Variants in CPA6 observed in about 807,000 individuals in gnomAD.
The protein encoded by CPA6 is carboxypeptidase A6.
Under a neutral mutation model 63.3 loss-of-function variants are expected in CPA6, and 58 were observed. The observed-to-expected ratio is 0.92, with a 90% CI of 0.74 to 1.14. The LOEUF (loss-of-function observed/expected upper bound fraction) is 1.14. Among genes scored for constraint, CPA6 ranks in the 50% most tolerant of loss-of-function variants. CPA6 has a pLI of 0.00. For missense variants in CPA6, 565 were observed against 526.6 expected, an observed-to-expected ratio of 1.07 and a Z score of -0.71; for synonymous variants, 185 against 179.0, an observed-to-expected ratio of 1.03 and a Z score of -0.27.
chr8:67,482,365 AG>A (rs1425132412), intron 8 of CPA6, among the ~76,000 whole-genome samples: 4 of 152,266 alleles, frequency 2.6e-5, no homozygotes, highest in African/African-American at 9.6e-5. Context: ...GAAAGTGAAA[AG>A]TTTTTTTTAA....
chr8:67,582,398 A>G (rs1008184319), intron 2 of CPA6, among the ~76,000 whole-genome samples: 2 of 152,202 alleles, frequency 1.3e-5, no homozygotes, highest in African/African-American at 4.8e-5. Flanking sequence ...TAGAAATGCA[A>G]ATAATCCATA....
At chr8:67,493,780 C>A (rs1049599635) in intron 6 of CPA6, among the ~76,000 whole-genome samples, 1 of 142,448 alleles carries the variant, frequency 7.0e-6, no homozygotes, top group South Asian at 2.1e-4. Flanking sequence ...CTTTTCTTTT[C>A]TTTCTTTCTT....
chr8:67,582,663 A>C (rs1467954544), intron 2 of CPA6, among the ~76,000 whole-genome samples: 1 of 152,164 alleles, frequency 6.6e-6, no homozygotes, highest in Non-Finnish European at 1.5e-5. Flanking sequence ...ATGAATGACT[A>C]ATAATTTTTG....
intron 1 of CPA6, among the ~76,000 whole-genome samples, chr8:67,724,484 C>G (rs776027707): frequency 6.6e-6 from 1 of 152,212 alleles, no homozygotes; most frequent in African/African-American, 2.4e-5. Context: ...CACTGAGCAC[C>G]ACTTCACCAA....
intron 1 of CPA6, among the ~76,000 whole-genome samples, chr8:67,690,436 T>A (rs182283646): frequency 5.3e-5 from 8 of 152,346 alleles, no homozygotes; most frequent in Non-Finnish European, 1.2e-4. Flanking sequence ...GTTGAGAAAT[T>A]TGGTTCTAGC....
chr8:67,654,205 T>C lies in CPA6; in HGVS notation c.117-29954A>G, dbSNP rs938990921. Among the ~76,000 whole-genome samples the C allele has an allele frequency of 7.2e-5, 11 of 152,306 alleles. 1 individual carries two copies. The highest frequency in any genetic ancestry group is 1.3e-4 in the Non-Finnish European group (9 of 68,024). On this transcript the variant is annotated intron_variant, in intron 1 of 10. Coordinates refer to ENST00000297770, the MANE Select transcript of CPA6 (RefSeq NM_020361.5). ...CAAGGATATTGGTCTAAAATTCTCT[T>C]TTTTGGTTGTGTCTCTGCCAGGCTT...
At chr8:67,644,332 A>G (rs1220043813) in intron 1 of CPA6, among the ~76,000 whole-genome samples, 1 of 152,062 alleles carries the variant, frequency 6.6e-6, no homozygotes, top group African/African-American at 2.4e-5. Flanking sequence ...GTTAGCCAGG[A>G]TGGTCTCGAT....
chr8:67,443,362 T>G (rs772575251), intron 8 of CPA6, among the ~76,000 whole-genome samples: 4 of 152,050 alleles, frequency 2.6e-5, no homozygotes, highest in Non-Finnish European at 4.4e-5. Context: ...TCCCGGGCCC[T>G]GTCCTGCCTA....
chr8:67,639,573 C>T (rs1815543879), intron 1 of CPA6, among the ~76,000 whole-genome samples: 1 of 151,490 alleles, frequency 6.6e-6, no homozygotes, highest in Non-Finnish European at 1.5e-5. Flanking sequence ...TGGTGTGGTG[C>T]CCGGAAGCTT....
chr8:67,732,782 C>T (rs545919894), intron 1 of CPA6: 13 of 151,664 alleles, frequency 8.6e-5, no homozygotes, highest in African/African-American at 3.2e-4. Context: ...CAGTGATAAG[C>T]AAACGGAAAT....
intron 6 of CPA6, among the ~76,000 whole-genome samples, chr8:67,497,471 T>A (rs1312982395): frequency 6.6e-6 from 1 of 152,196 alleles, no homozygotes; most frequent in South Asian, 2.1e-4. Context: ...GTTGTATGGT[T>A]ATACCAATAA....
chr8:67,423,794 T>C (rs1221968788), intron 10 of CPA6, among the ~76,000 whole-genome samples: 1 of 152,246 alleles, frequency 6.6e-6, no homozygotes, highest in Non-Finnish European at 1.5e-5. Context: ...CATGTTACAC[T>C]GTCCCCACTA....
chr8:67,447,552 C>A (rs560924617), intron 8 of CPA6, among the ~76,000 whole-genome samples: 2 of 129,956 alleles, frequency 1.5e-5, no homozygotes, highest in Non-Finnish European at 3.0e-5. Context: ...CACACATACA[C>A]ATTTTAAATA....
At chr8:67,648,081 G>A (rs189400937) in intron 1 of CPA6, among the ~76,000 whole-genome samples, 2 of 152,214 alleles carry the variant, frequency 1.3e-5, no homozygotes, top group East Asian at 3.9e-4. Context: ...GAGGACAAAG[G>A]GGAAGTTCCT....
intron 2 of CPA6, among the ~76,000 whole-genome samples, chr8:67,607,419 A>C (rs963111677): frequency 2.0e-5 from 3 of 151,910 alleles, no homozygotes; most frequent in Admixed American, 1.3e-4. Flanking sequence ...CTACTTTGCA[A>C]ACCTGAGAAA....
At chr8:67,467,250 G>A (rs1042881983) in intron 8 of CPA6, among the ~76,000 whole-genome samples, 1 of 152,088 alleles carries the variant, frequency 6.6e-6, no homozygotes, top group African/African-American at 2.4e-5. Context: ...CGTGTACCTG[G>A]GCAATCCAAT....
chr8:67,500,670 T>C (rs947238077), intron 6 of CPA6, among the ~76,000 whole-genome samples: 3 of 152,016 alleles, frequency 2.0e-5, no homozygotes, highest in Non-Finnish European at 4.4e-5. Flanking sequence ...TTTATCGTTT[T>C]ACATTTTACA....
chr8:67,471,878 T>C (rs1811066707), intron 8 of CPA6, among the ~76,000 whole-genome samples: 1 of 152,156 alleles, frequency 6.6e-6, no homozygotes, highest in Admixed American at 6.5e-5. Flanking sequence ...AGGAGGAATA[T>C]AATGCAATAA....
At chr8:67,520,591 G>A (rs970491013) in intron 2 of CPA6, among the ~76,000 whole-genome samples, 8 of 152,084 alleles carry the variant, frequency 5.3e-5, no homozygotes, top group African/African-American at 1.4e-4. Context: ...GAAGACTTAC[G>A]GGACAGTAAT....
Sources: gnomAD v4.1 joint callset for allele counts (sites outside exome capture counted in the v4.1 genomes callset) on GRCh38, gnomAD v4.1.1 for gene constraint, MANE v1.5 for transcripts, NCBI Gene and HGNC (gene_info 2026-07-23, HGNC 2026-07-21) for gene names.